Variants in ZNF131 observed in about 807,000 individuals in gnomAD.
ZNF131 encodes zinc finger and BTB domain containing 35.
ZNF131 carries 7 observed loss-of-function variants against 60.0 expected under a neutral mutation model. That is an observed-to-expected ratio of 0.12 (90% CI 0.07 to 0.22). The LOEUF (loss-of-function observed/expected upper bound fraction) is 0.22, where lower values mean the gene tolerates loss of function less well. Among genes scored for constraint, ZNF131 ranks in the 10% least tolerant of loss-of-function variants. The probability of loss-of-function intolerance (pLI) is 1.00; values close to 1 mark genes in which losing one functional copy is unlikely to be tolerated. For synonymous variants in ZNF131, 257 were observed against 253.2 expected, an observed-to-expected ratio of 1.01 and a Z score of -0.14; for missense variants, 493 against 740.9, an observed-to-expected ratio of 0.67 and a Z score of 3.88.
intron 1 of ZNF131, chr5:43,121,536 A>C (rs978911621): frequency 6.6e-6 from 1 of 151,990 alleles, no homozygotes; most frequent in Non-Finnish European, 1.5e-5. Flanking sequence ...GACGTAAGTG[A>C]CGCGCAAGCC....
At chr5:43,144,011 C>T (rs1484639963) in intron 4 of ZNF131, among the ~76,000 whole-genome samples, 1 of 143,028 alleles carries the variant, frequency 7.0e-6, no homozygotes, top group East Asian at 2.2e-4. Flanking sequence ...CAAGCTCCAC[C>T]TCCCAGGTTC....
At chr5:43,143,823 T>C (rs550195326) in intron 4 of ZNF131, among the ~76,000 whole-genome samples, 1 of 149,864 alleles carries the variant, frequency 6.7e-6, no homozygotes, top group East Asian at 1.9e-4. Context: ...TGAGAGTTGC[T>C]AAGGTCTTTC....
At chr5:43,163,271 TC>T (rs1749972751) in intron 5 of ZNF131, among the ~76,000 whole-genome samples, 1 of 152,064 alleles carries the variant, frequency 6.6e-6, no homozygotes, top group African/African-American at 2.4e-5. Context: ...AGCCACCACA[TC>T]CGGCCCATGT....
intron 2 of ZNF131, 102 bp from the exon 3 acceptor site, chr5:43,123,107 A>G (rs1000333242): frequency 1.3e-6 from 1 of 789,154 alleles, no homozygotes; most frequent in Non-Finnish European, 2.0e-6. Flanking sequence ...GTAATGAAGG[A>G]AGACCTATTT....
chr5:43,171,612 G>C (rs956057642), intron 5 of ZNF131, among the ~76,000 whole-genome samples: 1 of 151,978 alleles, frequency 6.6e-6, no homozygotes, highest in African/African-American at 2.4e-5. Flanking sequence ...CATCTCTCTT[G>C]TAGGCCATTT....
chr5:43,121,891 C>G (rs1743883318), intron 1 of ZNF131, 148 bp from the exon 2 acceptor site: 1 of 905,564 alleles, frequency 1.1e-6, no homozygotes, highest in African/African-American at 1.8e-5. Context: ...CTCGGCTCGC[C>G]TTTCTTCCCT....
At chr5:43,170,953 A>T (rs998840830) in intron 5 of ZNF131, among the ~76,000 whole-genome samples, 33 of 139,362 alleles carry the variant, frequency 2.4e-4, no homozygotes, top group South Asian at 1.4e-3. Flanking sequence ...ATTTTTTTTT[A>T]AATTTTTTTG....
intron 3 of ZNF131, chr5:43,124,743 A>G (rs1403763001): frequency 2.0e-5 from 3 of 152,234 alleles, no homozygotes; most frequent in Admixed American, 2.0e-4. Flanking sequence ...AAGTGGGTTC[A>G]TAGGATTATA....
At chr5:43,173,486 A>T (rs1444283608) in intron 6 of ZNF131, 38 bp downstream of exon 6, 1 of 1,590,882 alleles carries the variant, frequency 6.3e-7, no homozygotes, top group Admixed American at 1.7e-5. Flanking sequence ...TTAACAAAGG[A>T]GTCTTGTGTT....
chr5:43,160,204 A>C (rs564358535), intron 4 of ZNF131, among the ~76,000 whole-genome samples: 250 of 150,538 alleles, frequency 1.7e-3, no homozygotes, highest in African/African-American at 6.0e-3. Flanking sequence ...AAAAAACAAA[A>C]AAAGAAGAAA....
At chr5:43,152,085 C>T (rs1424876473) in intron 4 of ZNF131, among the ~76,000 whole-genome samples, 2 of 151,950 alleles carry the variant, frequency 1.3e-5, no homozygotes, top group Non-Finnish European at 2.9e-5. Flanking sequence ...GGCTCACTGC[C>T]TCTACCTCCC....
rs767596966 is a variant in ZNF131, at chr5:43,161,291, A to C, written c.414A>C (p.Gly138=). 1 of 1,613,058 alleles carries C rather than the reference A, an allele frequency of 6.2e-7. No homozygotes were observed. The highest frequency in any genetic ancestry group is 8.5e-7 in the Non-Finnish European group (1 of 1,179,722). ...NSAPLEENTT[G]KNEAKKRKIA... ...CTCCCTTAGAGGAAAATACCACAGG[A>C]AAAAATGAGGCCAAAAAAAGGAAGA... is the stretch of plus-strand genomic sequence containing the variant. Residue 138 remains glycine (G), a synonymous_variant, in exon 5 of 7, where the codon GGA becomes GGC. Transcript: ENST00000682664.
chr5:43,164,634 T>C (rs987927217), intron 5 of ZNF131, among the ~76,000 whole-genome samples: 2 of 152,236 alleles, frequency 1.3e-5, no homozygotes, highest in Non-Finnish European at 2.9e-5. Context: ...TACTGACTTT[T>C]ACCTCTTAGA....
chr5:43,133,132 CA>C (rs1287366628), intron 3 of ZNF131, among the ~76,000 whole-genome samples: 1 of 152,040 alleles, frequency 6.6e-6, no homozygotes, highest in Non-Finnish European at 1.5e-5. Flanking sequence ...ATTTTAAACA[CA>C]AAACCGTCAA....
At chr5:43,126,778 C>A (rs1378708205) in intron 3 of ZNF131, among the ~76,000 whole-genome samples, 3 of 152,166 alleles carry the variant, frequency 2.0e-5, no homozygotes, top group Non-Finnish European at 4.4e-5. Flanking sequence ...CAGCTACCAG[C>A]CACAGGTGTG....
chr5:43,165,922 A>G (rs1750291193), intron 5 of ZNF131, among the ~76,000 whole-genome samples: 1 of 152,268 alleles, frequency 6.6e-6, no homozygotes, highest in Non-Finnish European at 1.5e-5. Flanking sequence ...GGTATTCTGG[A>G]TAACTTGCTA....
chr5:43,140,305 A>T (rs1451640210), intron 4 of ZNF131, among the ~76,000 whole-genome samples: 1 of 152,244 alleles, frequency 6.6e-6, no homozygotes, highest in Non-Finnish European at 1.5e-5. Flanking sequence ...GCAGTGTAAC[A>T]TAGTTACTAA....
At position 43,122,040 on chromosome 5, in the gene ZNF131, G is replaced by A; in HGVS notation, c.-14G>A. The A allele has an allele frequency of 1.9e-6, 3 of 1,613,564 alleles. No individual in the cohort carries two copies. Among genetic ancestry groups the A allele is most frequent in the Non-Finnish European group, 2.5e-6 (3 of 1,179,868 alleles). ...CATTATCATGCTCTTCTTTTGTAGA[G>A]CAGCCCGACGGCCATGGAGGCTGAA... On this transcript the variant is annotated splice_region_variant and 5_prime_UTR_variant, in exon 2 of 7. Transcript: ENST00000682664.
intron 5 of ZNF131, among the ~76,000 whole-genome samples, chr5:43,163,205 C>T (rs752601116): frequency 2.6e-4 from 39 of 151,938 alleles, no homozygotes; most frequent in Non-Finnish European, 4.6e-4. Flanking sequence ...GTCTCAAACT[C>T]CTGACCTCGT....
Sources: allele counts gnomAD v4.1 joint callset (sites outside exome capture counted in the v4.1 genomes callset), GRCh38; gene constraint gnomAD v4.1.1; transcripts MANE v1.5; gene names NCBI Gene and HGNC (gene_info 2026-07-23, HGNC 2026-07-21).